MBD5: variants seen among roughly 807,000 people sequenced by gnomAD.
The protein encoded by MBD5 is methyl-CpG binding domain protein 5.
A neutral mutation model predicts 117.3 loss-of-function variants in MBD5; 13 were observed. The ratio of observed to expected loss-of-function variants is 0.11; its 90% confidence interval spans 0.07 to 0.18. The LOEUF (loss-of-function observed/expected upper bound fraction) is 0.18, where lower values mean the gene tolerates loss of function less well. Ranked by LOEUF, MBD5 falls within the 10% of genes least tolerant of loss-of-function variation. MBD5 has a pLI of 1.00. For synonymous variants in MBD5, 727 were observed against 766.4 expected (o/e 0.95, Z 0.85); for missense variants, 1,879 against 2,093.8 (o/e 0.90, Z 2.00).
chr2:148,358,301 GC>G (rs1250430350), intron 4 of MBD5, among the ~76,000 whole-genome samples: 1 of 152,122 alleles, frequency 6.6e-6, no homozygotes, highest in Non-Finnish European at 1.5e-5. Flanking sequence ...AGGTTACTCT[GC>G]ATGTAATTAT....
At chr2:148,233,704 T>C (rs1225498610) in intron 3 of MBD5, among the ~76,000 whole-genome samples, 1 of 152,186 alleles carries the variant, frequency 6.6e-6, no homozygotes, top group East Asian at 1.9e-4. Context: ...GGCTTTTTCA[T>C]ATCTCTCTTG....
chr2:148,425,677 G>A (rs533122441), intron 4 of MBD5, among the ~76,000 whole-genome samples: 98 of 152,268 alleles, frequency 6.4e-4, no homozygotes, highest in African/African-American at 2.2e-3. Flanking sequence ...ACATCAAAAA[G>A]CTTATCCACC....
Position 148,272,601 on chromosome 2 carries a change from C to T in MBD5, c.-680+39206C>T, listed in dbSNP as rs571203449. Among the ~76,000 whole-genome samples the T allele has an allele frequency of 2.0e-5, 3 of 152,246 alleles. No individual in the cohort carries two copies. The East Asian group carries it at 5.8e-4, about 29-fold the overall frequency. On this transcript the variant is annotated intron_variant, in intron 3 of 13. Transcript: ENST00000642680. Reference sequence around the variant, plus strand: ...TGTCTTCGTTTGAGAAATGTCTATTCAGGTCCTTTGCGCACTTTTTAATCA... The same window carrying T: ...TGTCTTCGTTTGAGAAATGTCTATTTAGGTCCTTTGCGCACTTTTTAATCA...
intron 1 of MBD5, among the ~76,000 whole-genome samples, chr2:148,112,602 G>C (rs190367506): frequency 2.0e-5 from 3 of 152,194 alleles, no homozygotes; most frequent in East Asian, 3.9e-4. Context: ...AGTCTTAGGT[G>C]CTATTTCTTC....
intron 1 of MBD5, among the ~76,000 whole-genome samples, chr2:148,030,485 GT>G (rs1239209403): frequency 6.6e-6 from 1 of 152,140 alleles, no homozygotes; most frequent in East Asian, 1.9e-4. Context: ...GTTTATGAAT[GT>G]ATATGTTTAC....
At chr2:148,058,790 T>G (rs1694944357) in intron 1 of MBD5, among the ~76,000 whole-genome samples, 1 of 152,166 alleles carries the variant, frequency 6.6e-6, no homozygotes, top group Non-Finnish European at 1.5e-5. Flanking sequence ...AAATGTCTGT[T>G]AAGCAAAAAG....
chr2:148,298,131 A>T (rs1192003741), intron 3 of MBD5, among the ~76,000 whole-genome samples: 2 of 152,200 alleles, frequency 1.3e-5, no homozygotes, highest in Admixed American at 6.5e-5. Flanking sequence ...TTTAAGCTCC[A>T]GTGTTCTCAG....
chr2:148,238,042 T>C (rs1400306389), intron 3 of MBD5, among the ~76,000 whole-genome samples: 1 of 152,208 alleles, frequency 6.6e-6, no homozygotes, highest in African/African-American at 2.4e-5. Context: ...AATAAACAGA[T>C]GACATAGTTA....
rs779104418 is a variant in MBD5 at position 148,489,927 on chromosome 2, G to A, written c.4295G>A (p.Gly1432Glu). 1 of 1,614,028 alleles carries A rather than the reference G, an allele frequency of 6.2e-7. No homozygotes were observed. Among genetic ancestry groups the A allele is most frequent in the East Asian group, 2.2e-5 (1 of 44,870 alleles). ...SCHTSKKQWD[G>E]EQSPRGERNR... Reference sequence around the variant, plus strand: ...CACACATCCAAAAAACAGTGGGACGGGGAGCAAAGCCCCAGAGGGGAGCGA... The same window carrying A: ...CACACATCCAAAAAACAGTGGGACGAGGAGCAAAGCCCCAGAGGGGAGCGA... The change falls in exon 11 of 14, where the codon GGG becomes GAG. Residue 1432 changes from glycine (G) to glutamate (E), a missense_variant. By Grantham distance (98) the Gly-to-Glu change is moderately conservative. Around this residue, in one of 4 missense-constraint regions of MBD5, gnomAD observed 1,666 missense variants for 1,792.2 expected, o/e 0.93. Transcript: ENST00000642680.
At chr2:148,059,426 A>G (rs966578342) in intron 1 of MBD5, among the ~76,000 whole-genome samples, 2 of 152,260 alleles carry the variant, frequency 1.3e-5, no homozygotes, top group African/African-American at 4.8e-5. Context: ...CATACAGTAA[A>G]ACAATTTTAC....
chr2:148,328,130 G>C (rs1702513535), intron 3 of MBD5, among the ~76,000 whole-genome samples: 1 of 152,172 alleles, frequency 6.6e-6, no homozygotes, highest in African/African-American at 2.4e-5. Flanking sequence ...CCTGCTGGGG[G>C]GTGCCTCCTA....
chr2:148,130,356 A>T (rs908939455), intron 1 of MBD5, among the ~76,000 whole-genome samples: 1 of 152,148 alleles, frequency 6.6e-6, no homozygotes, highest in African/African-American at 2.4e-5. Flanking sequence ...CCCCTAGAGT[A>T]TCATTCTTTT....
At chr2:148,462,002 C>G (rs184855667) in intron 5 of MBD5, among the ~76,000 whole-genome samples, 1 of 152,052 alleles carries the variant, frequency 6.6e-6, no homozygotes, top group East Asian at 1.9e-4. Flanking sequence ...AGTGTATCTT[C>G]GGATATAACT....
intron 3 of MBD5, among the ~76,000 whole-genome samples, chr2:148,317,604 C>A (rs1017364227): frequency 2.0e-5 from 3 of 152,074 alleles, no homozygotes; most frequent in Non-Finnish European, 2.9e-5. Flanking sequence ...AACCCTCATC[C>A]CTTCCCACCC....
intron 2 of MBD5, among the ~76,000 whole-genome samples, chr2:148,187,223 C>A (rs1362297998): frequency 2.0e-5 from 3 of 152,024 alleles, no homozygotes; most frequent in Non-Finnish European, 4.4e-5. Context: ...ACTAGCCAGT[C>A]CCCAAGTCTA....
At chr2:148,229,848 C>T (rs1699937534) in intron 2 of MBD5, among the ~76,000 whole-genome samples, 1 of 152,158 alleles carries the variant, frequency 6.6e-6, no homozygotes. Flanking sequence ...TCACGTTCTC[C>T]AAATGAATGG....
intron 8 of MBD5, chr2:148,471,092 A>AT (rs1680782305): frequency 6.6e-6 from 1 of 152,072 alleles, no homozygotes; most frequent in African/African-American, 2.4e-5. Flanking sequence ...AAGCTTTCTA[A>AT]TAAAAAAAAG....
At chr2:148,173,964 C>T (rs1558958522) in intron 1 of MBD5, among the ~76,000 whole-genome samples, 2 of 152,024 alleles carry the variant, frequency 1.3e-5, no homozygotes, top group African/African-American at 2.4e-5. Context: ...GGAACCACAA[C>T]AAAAACTTGC....
At chr2:148,024,624 A>G (rs1398337183) in intron 1 of MBD5, among the ~76,000 whole-genome samples, 1 of 152,010 alleles carries the variant, frequency 6.6e-6, no homozygotes, top group African/African-American at 2.4e-5. Context: ...CACAATTTTC[A>G]CTATCATGAA....
Sources: allele counts gnomAD v4.1 joint callset (sites outside exome capture counted in the v4.1 genomes callset), GRCh38; gene constraint gnomAD v4.1.1; regional missense constraint gnomAD v4.1.1; transcripts MANE v1.5; gene names NCBI Gene and HGNC (gene_info 2026-07-23, HGNC 2026-07-21).